The following PDLIM4 variants were observed in gnomAD, a reference collection of about 807,000 sequenced individuals.
PDLIM4 encodes the protein PDZ and LIM domain protein 4.
A neutral mutation model predicts 31.3 loss-of-function variants in PDLIM4; 19 were observed. That is an observed-to-expected ratio of 0.61 (90% confidence interval 0.42 to 0.89). PDLIM4 has a LOEUF of 0.89. Among genes scored for constraint, PDLIM4 ranks in the 40% least tolerant of loss-of-function variants. The probability of loss-of-function intolerance (pLI) is 0.00; values close to 1 mark genes in which losing one functional copy is unlikely to be tolerated. For missense variants in PDLIM4, 442 were observed against 461.1 expected (o/e 0.96, Z 0.38); for synonymous variants, 176 against 190.1 (o/e 0.93, Z 0.61).
chr5:132,262,579 T>C (rs1756399123), intron 1 of PDLIM4, 30 bp from the exon 2 acceptor site: 3 of 1,575,848 alleles, frequency 1.9e-6, no homozygotes, highest in Admixed American at 1.8e-5. Flanking sequence ...ATCATGACTG[T>C]GCCCAGCCAT....
rs1756627845 is a variant in PDLIM4, at chr5:132,271,823, C to T, written c.703C>T (p.Leu235Phe). 6.2e-7 allele frequency: 1 copy of T among 1,612,968 alleles called. No homozygotes were observed. Residue 235 changes from leucine to phenylalanine, a missense_variant, in exon 6 of 7, where the codon CTC (leucine) becomes TTC (phenylalanine). Physicochemically the swap from Leu to Phe is conservative, Grantham distance 22. Coordinates refer to ENST00000253754, the MANE Select transcript of PDLIM4 (RefSeq NM_003687.4). Reference protein sequence around the residue: ...DWPGPGGPRNLKPTASKLGAP... With the variant: ...DWPGPGGPRNFKPTASKLGAP... ...GCCCGGGCCTGGCGGCCCCCGGAAC[C>T]TCAAGCCCACGGCCAGCAAGCTGGG...
Position 132,272,022 on chromosome 5 carries a change from C to G in PDLIM4, c.789-3C>G. ...CGCTGTCCTGTCTCGTTCCCCCCAT[C>G]AGGGGCACCATCGTCAAGGCACGGG... On this transcript the variant is annotated splice_polypyrimidine_tract_variant and splice_region_variant and intron_variant, in intron 6 of 6. Transcript: ENST00000253754. 3 of 1,613,770 alleles carry G rather than the reference C, an allele frequency of 1.9e-6. No individual in the cohort carries two copies. Among genetic ancestry groups the G allele is most frequent in the Non-Finnish European group, 2.5e-6 (3 of 1,179,602 alleles).
intron 1 of PDLIM4, among the ~76,000 whole-genome samples, chr5:132,259,287 G>C (rs748444453): frequency 2.0e-5 from 3 of 152,088 alleles, no homozygotes; most frequent in Admixed American, 2.0e-4. Context: ...GCTCAGTGGC[G>C]GCGGCTGACG....
At position 132,271,181 on chromosome 5, in the gene PDLIM4, G is replaced by A. The variant is rs532776020; in HGVS notation, c.506+88G>A. ...CTCACCCAGTCCCACTCTGACCCCT[G>A]ACACTTGATCCTTGGGTCTTAGCTG... On this transcript the variant is annotated intron_variant, in intron 4 of 6. Transcript: ENST00000253754. 3.3e-6 allele frequency: 5 copies of A among 1,503,898 alleles called. No individual in the cohort carries two copies. In the African/African-American group the frequency reaches 4.1e-5, roughly 12 times the overall value. 93.2% of individuals were successfully genotyped at this position (1,503,898 alleles called of 1,614,324 possible).
Position 132,259,137 on chromosome 5 carries a change from CTGTGTG to C in PDLIM4, c.93+1336_93+1341del, listed in dbSNP as rs70974028. On this transcript the variant is annotated intron_variant, in intron 1 of 6. Transcript: ENST00000253754. ...TCTCCTCTTTCCTATAGGATTCCTG[CTGTGTG>C]TGTGTGTGTGTGTGTGTGTGTGTGT... Among the ~76,000 whole-genome samples, 861 of 146,194 alleles carry C rather than the reference CTGTGTG, an allele frequency of 5.9e-3. 7 individuals are homozygous for C. The highest frequency in any genetic ancestry group is 0.02 in the African/African-American group (782 of 39,922).
At chr5:132,266,624 A>G (rs1159613602) in intron 3 of PDLIM4, 79 bp downstream of exon 3, 1 of 901,886 alleles carries the variant, frequency 1.1e-6, no homozygotes, top group Non-Finnish European at 1.7e-6. Context: ...GTTCACCTGC[A>G]CTGAATGTCC....
intron 2 of PDLIM4, among the ~76,000 whole-genome samples, chr5:132,263,348 G>C (rs748698975): frequency 6.6e-6 from 1 of 152,152 alleles, no homozygotes; most frequent in East Asian, 1.9e-4. Context: ...CACAGCTGTC[G>C]CCACCGTGGC....
intron 2 of PDLIM4, among the ~76,000 whole-genome samples, chr5:132,263,448 CAG>C (rs2126673342): frequency 6.6e-6 from 1 of 150,686 alleles, no homozygotes; most frequent in Admixed American, 6.6e-5. Flanking sequence ...AAGGGGAGGA[CAG>C]GGGGTTACCA....
At chr5:132,266,579 C>T (rs1307687708) in intron 3 of PDLIM4, 34 bp downstream of exon 3, 1 of 1,463,030 alleles carries the variant, frequency 6.8e-7, no homozygotes, top group Non-Finnish European at 9.6e-7. Flanking sequence ...TGGCCTGGCT[C>T]AGAGTGAGCC....
At chr5:132,258,545 G>C (rs1756296742) in intron 1 of PDLIM4, among the ~76,000 whole-genome samples, 1 of 152,182 alleles carries the variant, frequency 6.6e-6, no homozygotes. Flanking sequence ...CACAGCCCTG[G>C]AGCGTGGCTA....
Position 132,265,962 on chromosome 5 carries a change from G to A in PDLIM4, c.246-502G>A, listed in dbSNP as rs547965134. Reference sequence around the variant, plus strand: ...GGGCAGACTCAGTGATGACTCTGCCGGCAGCAGCAGCAGGAGGAAAGACAC... The same window carrying A: ...GGGCAGACTCAGTGATGACTCTGCCAGCAGCAGCAGCAGGAGGAAAGACAC... On this transcript the variant is annotated intron_variant, in intron 2 of 6. Coordinates refer to ENST00000253754, the MANE Select transcript of PDLIM4 (RefSeq NM_003687.4). 4.4e-4 allele frequency among the ~76,000 whole-genome samples: 67 copies of A among 152,260 alleles called. 1 individual carries two copies. Among genetic ancestry groups the A allele is most frequent in the Middle Eastern group, 3.4e-3 (1 of 294 alleles).
intron 3 of PDLIM4, among the ~76,000 whole-genome samples, chr5:132,269,342 C>T (rs1243861196): frequency 6.6e-6 from 1 of 151,746 alleles, no homozygotes. Context: ...TGCCCGGAGG[C>T]TGAGCCCCAC....
rs777277749 is a variant in PDLIM4 at position 132,262,734 on chromosome 5, C to T, written c.219C>T (p.His73=). 16 of 1,613,666 alleles carry T rather than the reference C, an allele frequency of 9.9e-6. No homozygotes were observed. Among genetic ancestry groups the T allele is most frequent in the South Asian group, 6.6e-5 (6 of 91,010 alleles). ...CACAGAACCGCATCAAGGGCTGCCA[C>T]GATCACCTCACACTGTCTGTGAGCA... The part of the protein sequence containing the change: ...LEAQNRIKGC[H]DHLTLSVSRP... Residue 73 remains histidine (H), a synonymous_variant, in exon 2 of 7, where the codon CAC becomes CAT. Transcript: ENST00000253754.
At chr5:132,261,281 A>G (rs1756367877) in intron 1 of PDLIM4, among the ~76,000 whole-genome samples, 2 of 152,220 alleles carry the variant, frequency 1.3e-5, no homozygotes, top group Non-Finnish European at 2.9e-5. Context: ...ATGATGGGCT[A>G]GTTGGCTGAG....
intron 4 of PDLIM4, 90 bp downstream of exon 4, chr5:132,271,183 C>T: frequency 6.7e-7 from 1 of 1,494,284 alleles, no homozygotes; most frequent in African/African-American, 1.4e-5. Flanking sequence ...TGACCCCTGA[C>T]ACTTGATCCT....
chr5:132,258,763 A>G (rs1756303046), intron 1 of PDLIM4, among the ~76,000 whole-genome samples: 2 of 152,252 alleles, frequency 1.3e-5, no homozygotes, highest in Admixed American at 6.5e-5. Context: ...TCAGTCTGGA[A>G]GGAGCAGAGG....
In PDLIM4 at chr5:132,273,166, C is replaced by T. The variant is rs1401953573; in HGVS notation, c.*937C>T. 6.6e-5 allele frequency: 10 copies of T among 152,308 alleles called. No homozygotes were observed. Among genetic ancestry groups the T allele is most frequent in the African/African-American group, 2.4e-4 (10 of 41,426 alleles). The allele number at this position is 152,308 out of a possible 1,614,324, so 9.4% of individuals were successfully genotyped here. ...TCTGTGAATTGTGGCTGTTCACTCCCGAGGATGTGTCCTAGACTCCGGGTC... is the reference window on the plus strand; with the variant it reads ...TCTGTGAATTGTGGCTGTTCACTCCTGAGGATGTGTCCTAGACTCCGGGTC... On this transcript the variant is annotated 3_prime_UTR_variant, in exon 7 of 7. Transcript: ENST00000253754.
At chr5:132,268,773 C>G (rs141581847) in intron 3 of PDLIM4, among the ~76,000 whole-genome samples, 1 of 152,284 alleles carries the variant, frequency 6.6e-6, no homozygotes, top group East Asian at 1.9e-4. Flanking sequence ...CATCTGGACT[C>G]AGCGCCTGCC....
rs768947249 is a variant in PDLIM4, at chr5:132,262,773, G to A, written c.245+13G>A. 2 of 1,603,688 alleles carry A rather than the reference G, an allele frequency of 1.2e-6. No individual in the cohort carries two copies. Among genetic ancestry groups the A allele is most frequent in the South Asian group, 2.2e-5 (2 of 89,864 alleles). ...TGTCTGTGAGCAGGTATGCACAGGT[G>A]GGCTGGGCTGGGAGGATGGAAGGAC... On this transcript the variant is annotated intron_variant, in intron 2 of 6. Coordinates refer to ENST00000253754, the MANE Select transcript of PDLIM4 (RefSeq NM_003687.4).
Sources: allele counts gnomAD v4.1 joint callset (sites outside exome capture counted in the v4.1 genomes callset), GRCh38; gene constraint gnomAD v4.1.1; transcripts MANE v1.5; gene names NCBI Gene and HGNC (gene_info 2026-07-23, HGNC 2026-07-21).